Variants in COL11A1 observed in about 807,000 individuals in gnomAD.
COL11A1 encodes collagen alpha-1(XI) chain.
In COL11A1, 74 loss-of-function variants were observed where a neutral mutation model predicts 265.2. The observed-to-expected ratio is 0.28, with a 90% CI of 0.23 to 0.34. The LOEUF (loss-of-function observed/expected upper bound fraction) is 0.34, where lower values mean the gene tolerates loss of function less well. COL11A1 is among the 10% of genes least tolerant of loss of function. The pLI is 1.00. For synonymous variants in COL11A1, 816 were observed against 727.6 expected, an observed-to-expected ratio of 1.12 and a Z score of -1.96; for missense variants, 2,165 against 2,263.6, an observed-to-expected ratio of 0.96 and a Z score of 0.88.
At chr1:102,987,793 T>C in intron 29 of COL11A1, 53 bp from the exon 30 acceptor site, 2 of 1,343,274 alleles carry the variant, frequency 1.5e-6, no homozygotes, top group Non-Finnish European at 2.1e-6. Context: ...TTACAAAAAT[T>C]GTAACAGGGA....
intron 46 of COL11A1, among the ~76,000 whole-genome samples, chr1:102,927,532 C>T (rs545164643): frequency 3.3e-5 from 5 of 151,978 alleles, no homozygotes; most frequent in African/African-American, 4.8e-5. Context: ...CTGGCTAACA[C>T]GGTGAAACCC....
Position 102,965,507 on chromosome 1 carries a change from C to T in COL11A1, c.2896G>A (p.Gly966Arg), listed in dbSNP as rs1231644157. ...CATACCTGTGGTCCAACCACTCCCC[C>T]TGGCCCAGGAGGGCCGGTCTTGCCT... ...FQGKTGPPGP[G>R]GVVGPQGPTG... The change falls in exon 38 of 67, where the codon GGG becomes AGG. Residue 966 changes from glycine (G) to arginine (R), a missense_variant. Coordinates refer to ENST00000370096, the MANE Select transcript of COL11A1 (RefSeq NM_001854.4). 2 of 1,613,704 alleles carry T rather than the reference C, an allele frequency of 1.2e-6. No individual in the cohort carries two copies. The highest frequency in any genetic ancestry group is 2.2e-5 in the South Asian group (2 of 91,056).
chr1:102,940,266 A>C, intron 43 of COL11A1, 61 bp downstream of exon 43: 1 of 1,329,130 alleles, frequency 7.5e-7, no homozygotes, highest in East Asian at 2.3e-5. Flanking sequence ...AATTATCTAG[A>C]ATTCTTGACA....
intron 4 of COL11A1, among the ~76,000 whole-genome samples, chr1:103,041,757 A>G (rs1668828094): frequency 1.3e-5 from 2 of 152,056 alleles, no homozygotes; most frequent in South Asian, 4.1e-4. Flanking sequence ...TTCCTCTACA[A>G]AATATAGTCA....
chr1:102,999,209 G>T (rs1664896349), intron 24 of COL11A1, among the ~76,000 whole-genome samples: 1 of 151,952 alleles, frequency 6.6e-6, no homozygotes, highest in Non-Finnish European at 1.5e-5. Flanking sequence ...TCCATTCTCA[G>T]GGAGTAAAGT....
chr1:103,050,308 T>C (rs1669698518), intron 4 of COL11A1, among the ~76,000 whole-genome samples: 1 of 152,214 alleles, frequency 6.6e-6, no homozygotes. Context: ...TTCTTTTTAT[T>C]CTTTTTTCTC....
chr1:102,946,851 G>A lies in COL11A1; in HGVS notation c.3274C>T (p.Pro1092Ser), dbSNP rs1216801624. 1 of 1,612,212 alleles carries A rather than the reference G, an allele frequency of 6.2e-7. No individual in the cohort carries two copies. Among genetic ancestry groups the A allele is most frequent in the Non-Finnish European group, 8.5e-7 (1 of 1,178,742 alleles). Residue 1092 changes from proline to serine, a missense_variant and splice_region_variant, in exon 42 of 67, where the codon CCT becomes TCT. Coordinates refer to ENST00000370096, the MANE Select transcript of COL11A1 (RefSeq NM_001854.4). ...ATTTTCTCCTAGACATTACTTACAGGAGCACCTTTCTCTCCAGCTGGACCA... is the reference window on the plus strand; with the variant it reads ...ATTTTCTCCTAGACATTACTTACAGAAGCACCTTTCTCTCCAGCTGGACCA... ...PPGPAGEKGA[P>S]GEKGPQGPAG...
At position 103,002,014 on chromosome 1, in the gene COL11A1, G is replaced by A. The variant is rs114248131; in HGVS notation, c.2098-45C>T. The A allele has an allele frequency of 1.9e-3, 2,854 of 1,522,808 alleles. 39 individuals carry two copies. In the African/African-American group the frequency reaches 0.036, roughly 19 times the overall value. 94.3% of individuals were successfully genotyped at this position (1,522,808 alleles called of 1,614,324 possible). The stretch of plus-strand genomic sequence containing the variant: ...TTCATATATCAGATATCAAATCACA[G>A]TAATATGCTTTTAAAACAGCAAATT... On this transcript the variant is annotated intron_variant, in intron 23 of 66. Transcript: ENST00000370096.
At chr1:102,893,548 C>A (rs559873262) in intron 57 of COL11A1, among the ~76,000 whole-genome samples, 2 of 151,926 alleles carry the variant, frequency 1.3e-5, no homozygotes, top group South Asian at 2.1e-4. Context: ...TTTTCTCTTT[C>A]GGATATTGTA....
chr1:103,012,385 A>G, intron 14 of COL11A1, 28 bp downstream of exon 14: 3 of 1,590,932 alleles, frequency 1.9e-6, no homozygotes, highest in Non-Finnish European at 2.6e-6. Flanking sequence ...AAATTTTAAC[A>G]TATATTATCT....
rs1665201091 is a variant in COL11A1, at chr1:103,002,466, G to T, written c.2059C>A (p.Pro687Thr). The T allele has an allele frequency of 6.2e-7, 1 of 1,609,682 alleles. No individual in the cohort carries two copies. The highest frequency in any genetic ancestry group is 1.1e-5 in the South Asian group (1 of 90,038). The part of the protein sequence containing the change: ...PKGNMGPQGE[P>T]GPPGQQGNPG... The stretch of plus-strand genomic sequence containing the variant: ...TTCCCTTGTTGACCTGGAGGCCCAG[G>T]CTCCCCTTGGGGACCCTGCCAGAGG... Residue 687 changes from proline to threonine, a missense_variant, in exon 23 of 67, where the codon CCT becomes ACT. By Grantham distance (38) the Pro-to-Thr change is conservative (BLOSUM62 -1). Transcript: ENST00000370096.
chr1:102,919,345 C>CAT (rs35990248), intron 49 of COL11A1, among the ~76,000 whole-genome samples: 112,163 of 151,562 alleles, frequency 0.74, 46,032 homozygotes, highest in East Asian at 1. Context: ...AATATAATAA[C>CAT]AATCTAATCT....
intron 36 of COL11A1, among the ~76,000 whole-genome samples, chr1:102,973,322 C>A (rs1296125491): frequency 6.6e-6 from 1 of 152,102 alleles, no homozygotes; most frequent in East Asian, 1.9e-4. Flanking sequence ...AGACAAAATG[C>A]ATGCACGATC....
chr1:103,009,047 T>C (rs1007177320), intron 14 of COL11A1, among the ~76,000 whole-genome samples: 1 of 152,182 alleles, frequency 6.6e-6, no homozygotes, highest in African/African-American at 2.4e-5. Context: ...GTTAACACAT[T>C]TTTCCCAGGT....
At chr1:103,102,086 C>T (rs1674322358) in intron 1 of COL11A1, among the ~76,000 whole-genome samples, 1 of 151,970 alleles carries the variant, frequency 6.6e-6, no homozygotes, top group Admixed American at 6.6e-5. Flanking sequence ...ATCTTTGCTA[C>T]AAGCTAGTAT....
chr1:103,038,099 G>T (rs1375052194), intron 4 of COL11A1, among the ~76,000 whole-genome samples: 1 of 141,992 alleles, frequency 7.0e-6, no homozygotes, highest in Non-Finnish European at 1.6e-5. Context: ...GAAGGGGATG[G>T]AGGTAAAATA....
chr1:102,906,548 C>T (rs1654003784), intron 54 of COL11A1, among the ~76,000 whole-genome samples: 1 of 152,068 alleles, frequency 6.6e-6, no homozygotes, highest in East Asian at 1.9e-4. Flanking sequence ...GCTGGGACTA[C>T]AGGCATGTGC....
At chr1:102,998,846 G>A (rs1037842847) in intron 24 of COL11A1, among the ~76,000 whole-genome samples, 6 of 151,834 alleles carry the variant, frequency 4.0e-5, no homozygotes, top group African/African-American at 1.4e-4. Flanking sequence ...CATAGGAAAT[G>A]AAGGAAAGTA....
chr1:102,945,054 AT>A (rs144353168), intron 42 of COL11A1, among the ~76,000 whole-genome samples: 5,183 of 149,996 alleles, frequency 0.035, 319 homozygotes, highest in African/African-American at 0.12. Flanking sequence ...TACAGAAAAC[AT>A]TTTTTTTTTA....
Sources: allele counts gnomAD v4.1 joint callset (sites outside exome capture counted in the v4.1 genomes callset), GRCh38; gene constraint gnomAD v4.1.1; transcripts MANE v1.5; gene names NCBI Gene and HGNC (gene_info 2026-07-23, HGNC 2026-07-21).